Variants in SORT1 observed in about 807,000 individuals in gnomAD.
The protein encoded by SORT1 is sortilin.
Under a neutral mutation model 101.7 loss-of-function variants are expected in SORT1, and 39 were observed. The observed-to-expected ratio is 0.38, with a 90% CI of 0.30 to 0.50. The LOEUF (loss-of-function observed/expected upper bound fraction) is 0.50, where lower values mean the gene tolerates loss of function less well. Ranked by LOEUF, SORT1 falls within the 20% of genes least tolerant of loss-of-function variation. The probability of loss-of-function intolerance (pLI) is 0.90; values close to 1 mark genes in which losing one functional copy is unlikely to be tolerated. For missense variants in SORT1, 878 were observed against 1,040.4 expected, an observed-to-expected ratio of 0.84 and a Z score of 2.15; for synonymous variants, 396 against 393.7, an observed-to-expected ratio of 1.01 and a Z score of -0.07.
In SORT1 at chr1:109,397,741, G is replaced by T; in HGVS notation, c.152C>A (p.Ser51Tyr). 1 of 1,197,986 alleles carries T rather than the reference G, an allele frequency of 8.3e-7. No individual in the cohort carries two copies. Among genetic ancestry groups the T allele is most frequent in the Non-Finnish European group, 1.0e-6 (1 of 966,206 alleles). The allele number at this position is 1,197,986 out of a possible 1,614,324, so 74.2% of individuals were successfully genotyped here. A position where few individuals can be genotyped will look rare whatever the true frequency, so the allele number is the denominator to read the frequency against. Residue 51 changes from serine to tyrosine, a missense_variant, in exon 1 of 20, where the codon TCT becomes TAT. Physicochemically the swap from Ser to Tyr is moderately radical, Grantham distance 144. This residue lies in a region of SORT1 where 194 missense variants were observed against 145.9 expected (regional missense o/e 1.33). Coordinates refer to ENST00000256637, the MANE Select transcript of SORT1 (RefSeq NM_002959.7). Reference sequence around the variant, plus strand: ...CCCCCAGCTCACCCCGATGGGGCCAGACCAGCGCGGCAGCGGCGCAGCGGG... The same window carrying T: ...CCCCCAGCTCACCCCGATGGGGCCATACCAGCGCGGCAGCGGCGCAGCGGG... ...PPPAAPLPRW[S>Y]GPIGVSWGLR...
At chr1:109,358,656 C>T (rs912716523) in intron 3 of SORT1, among the ~76,000 whole-genome samples, 36 of 152,086 alleles carry the variant, frequency 2.4e-4, no homozygotes, top group African/African-American at 3.4e-4. Flanking sequence ...GAGTTCAAGA[C>T]CAGCCTGGCC....
intron 14 of SORT1, among the ~76,000 whole-genome samples, chr1:109,324,168 G>A (rs1044181766): frequency 4.0e-5 from 6 of 150,970 alleles, no homozygotes; most frequent in African/African-American, 7.3e-5. Context: ...TGCTCTTGTC[G>A]CCCAGGCTGG....
intron 15 of SORT1, among the ~76,000 whole-genome samples, chr1:109,320,596 C>T (rs762885564): frequency 3.0e-4 from 45 of 152,230 alleles, no homozygotes; most frequent in Admixed American, 2.1e-3. Context: ...CATTTGTCAA[C>T]GCTCAGCTCT....
In SORT1 at chr1:109,310,022, A is replaced by G. The variant is rs1327248304; in HGVS notation, c.*4021T>C. 6.6e-6 allele frequency: 1 copy of G among 152,582 alleles called. No homozygotes were observed. The highest frequency in any genetic ancestry group is 2.4e-5 in the African/African-American group (1 of 41,432). 9.5% of individuals were successfully genotyped at this position (152,582 alleles called of 1,614,324 possible). A position where few individuals can be genotyped will look rare whatever the true frequency, so the allele number is the denominator to read the frequency against. ...CAAAACCCTCCTCCCTAGAGGTCCA[A>G]ACACAGGAGGTGGGCCAAATCATCA... On this transcript the variant is annotated 3_prime_UTR_variant, in exon 20 of 20. Transcript: ENST00000256637.
At chr1:109,345,025 T>C (rs982326010) in intron 8 of SORT1, among the ~76,000 whole-genome samples, 4 of 152,180 alleles carry the variant, frequency 2.6e-5, no homozygotes, top group African/African-American at 9.7e-5. Flanking sequence ...GTATTTATTT[T>C]CCCCCTTAAA....
In SORT1 at chr1:109,313,905, T is replaced by G; in HGVS notation, c.*138A>C. ...CCCTGCATTTCTTTAGTGTAGGTCC[T>G]TTTGGCTTTGATGGAAGCAGCAGAA... On this transcript the variant is annotated 3_prime_UTR_variant, in exon 20 of 20. Coordinates refer to ENST00000256637, the MANE Select transcript of SORT1 (RefSeq NM_002959.7). 1.3e-5 allele frequency: 8 copies of G among 629,894 alleles called. No homozygotes were observed. Among genetic ancestry groups the G allele is most frequent in the East Asian group, 6.6e-5 (2 of 30,174 alleles). The allele number at this position is 629,894 out of a possible 1,614,324, so 39.0% of individuals were successfully genotyped here. A position where few individuals can be genotyped will look rare whatever the true frequency, so the allele number is the denominator to read the frequency against.
chr1:109,354,300 C>A, intron 5 of SORT1, 67 bp downstream of exon 5: 1 of 1,201,746 alleles, frequency 8.3e-7, no homozygotes, highest in South Asian at 1.4e-5. Context: ...CTAAAGGATC[C>A]TTCTAAGACA....
At chr1:109,322,728 T>A (rs747344701) in intron 15 of SORT1, among the ~76,000 whole-genome samples, 1 of 152,082 alleles carries the variant, frequency 6.6e-6, no homozygotes, top group Non-Finnish European at 1.5e-5. Flanking sequence ...TTTGTAGAGA[T>A]AGGGTTTCAC....
chr1:109,337,490 G>A (rs1254155651), intron 10 of SORT1, among the ~76,000 whole-genome samples: 4 of 151,958 alleles, frequency 2.6e-5, no homozygotes, highest in African/African-American at 7.3e-5. Flanking sequence ...TGATTCACCC[G>A]CCTCAGCCTC....
At position 109,314,666 on chromosome 1, in the gene SORT1, C is replaced by T. The variant is rs770443196; in HGVS notation, c.2357+6G>A. The T allele has an allele frequency of 5.1e-6, 8 of 1,558,988 alleles. No homozygotes were observed. In the South Asian group the frequency reaches 7.8e-5, roughly 15 times the overall value. On this transcript the variant is annotated splice_donor_region_variant and intron_variant, in intron 18 of 19. Transcript: ENST00000256637. ...AGTACCTTGGATTGACTTCTGTGTT[C>T]CTTACCTTCCCCCACAGACATATTT...
chr1:109,332,642 C>T (rs936852059), intron 11 of SORT1, among the ~76,000 whole-genome samples: 17 of 152,032 alleles, frequency 1.1e-4, no homozygotes, highest in African/African-American at 3.9e-4. Context: ...CCACAAAAGA[C>T]CCTGAATAAC....
In SORT1 at chr1:109,310,444, G is replaced by A. The variant is rs1339467025; in HGVS notation, c.*3599C>T. The A allele has an allele frequency of 1.9e-5, 3 of 156,534 alleles. No homozygotes were observed. Among genetic ancestry groups the A allele is most frequent in the Middle Eastern group, 3.4e-3 (1 of 294 alleles). 9.7% of individuals were successfully genotyped at this position (156,534 alleles called of 1,614,324 possible). ...AAACCCATGGCAGACAGAACAGAAA[G>A]TCTGGCACCTGCTGACTCCGGCCCT... On this transcript the variant is annotated 3_prime_UTR_variant, in exon 20 of 20. Transcript: ENST00000256637.
intron 1 of SORT1, among the ~76,000 whole-genome samples, chr1:109,375,965 G>A (rs944962329): frequency 1.3e-5 from 2 of 152,142 alleles, no homozygotes; most frequent in African/African-American, 2.4e-5. Context: ...ACAGATACTG[G>A]TGAGGCTGTG....
chr1:109,373,295 G>C (rs1365417562), intron 1 of SORT1, among the ~76,000 whole-genome samples: 2 of 152,060 alleles, frequency 1.3e-5, no homozygotes, highest in East Asian at 3.9e-4. Flanking sequence ...CTGATATATC[G>C]TCTGGGGAGG....
chr1:109,383,920 A>G lies in SORT1; in HGVS notation c.306+13667T>C, dbSNP rs1180257573. Among the ~76,000 whole-genome samples the G allele has an allele frequency of 2.6e-5, 4 of 152,168 alleles. No homozygotes were observed. In the East Asian group the frequency reaches 7.7e-4, roughly 29 times the overall value. ...AGAGTACCAGGCTAATAATCAGTCA[A>G]CCCAAATTTTATTTCCAGCTCTACA... On this transcript the variant is annotated intron_variant, in intron 1 of 19. Transcript: ENST00000256637.
chr1:109,318,359 T>C (rs1647386750), intron 15 of SORT1, among the ~76,000 whole-genome samples: 1 of 151,728 alleles, frequency 6.6e-6, no homozygotes, highest in Non-Finnish European at 1.5e-5. Flanking sequence ...ACCATGTTGG[T>C]CAGGCTGGTC....
chr1:109,371,004 C>A (rs1335221192), intron 1 of SORT1, among the ~76,000 whole-genome samples: 2 of 152,224 alleles, frequency 1.3e-5, no homozygotes, highest in Non-Finnish European at 2.9e-5. Context: ...CTCTTGCAGT[C>A]TTGAATGGGC....
At position 109,354,414 on chromosome 1, in the gene SORT1, T is replaced by A. The variant is rs1650168162; in HGVS notation, c.661A>T (p.Met221Leu). The A allele has an allele frequency of 1.2e-6, 2 of 1,613,468 alleles. No homozygotes were observed. Among genetic ancestry groups the A allele is most frequent in the Admixed American group, 1.7e-5 (1 of 59,998 alleles). ...TAATCAGAATTCTGAGGGCTATACA[T>A]CATCTGAGTGAGAGGATGAAAAGGG... is the stretch of plus-strand genomic sequence containing the variant. ...DLPFHPLTQM[M>L]YSPQNSDYLL... The change falls in exon 5 of 20, where the codon ATG (methionine) becomes TTG (leucine). Residue 221 changes from methionine to leucine, a missense_variant. By Grantham distance (15) the Met-to-Leu change is conservative. Coordinates refer to ENST00000256637, the MANE Select transcript of SORT1 (RefSeq NM_002959.7).
intron 13 of SORT1, among the ~76,000 whole-genome samples, chr1:109,325,294 G>A (rs1647927875): frequency 7.3e-6 from 1 of 136,792 alleles, no homozygotes; most frequent in African/African-American, 2.7e-5. Flanking sequence ...CTGGAGTGCA[G>A]TGGCGCGATC....
Sources: allele counts gnomAD v4.1 joint callset (sites outside exome capture counted in the v4.1 genomes callset), GRCh38; gene constraint gnomAD v4.1.1; regional missense constraint gnomAD v4.1.1; transcripts MANE v1.5; gene names NCBI Gene and HGNC (gene_info 2026-07-23, HGNC 2026-07-21).